KCNJ6: variants seen among roughly 807,000 people sequenced by gnomAD.
KCNJ6 encodes the protein G protein-activated inward rectifier potassium channel 2.
In KCNJ6, 9 loss-of-function variants were observed where a neutral mutation model predicts 34.2. That is an observed-to-expected ratio of 0.26 (90% confidence interval 0.16 to 0.46). The LOEUF (loss-of-function observed/expected upper bound fraction) is 0.46, where lower values mean the gene tolerates loss of function less well. Ranked by LOEUF, KCNJ6 falls within the 20% of genes least tolerant of loss-of-function variation. KCNJ6 has a pLI of 1.00. For missense variants in KCNJ6, 236 were observed against 531.3 expected (o/e 0.44, Z 5.46); for synonymous variants, 196 against 207.1 (o/e 0.95, Z 0.46).
At chr21:37,669,576 G>A (rs2054532419) in intron 3 of KCNJ6, among the ~76,000 whole-genome samples, 1 of 90,724 alleles carries the variant, frequency 1.1e-5, no homozygotes, top group African/African-American at 5.9e-5. Flanking sequence ...GTCTGTGTGT[G>A]TTGTGTGTGT....
intron 2 of KCNJ6, among the ~76,000 whole-genome samples, chr21:37,742,738 A>T (rs896168395): frequency 6.6e-6 from 1 of 152,130 alleles, no homozygotes; most frequent in Admixed American, 6.5e-5. Flanking sequence ...TTTCTCACAG[A>T]GCTTCAGATT....
intron 2 of KCNJ6, among the ~76,000 whole-genome samples, chr21:37,800,660 C>T (rs184878096): frequency 2.2e-4 from 33 of 152,272 alleles, no homozygotes; most frequent in Admixed American, 4.6e-4. Context: ...CCTGAAGGGC[C>T]GCTGATAACC....
At chr21:37,635,825 A>G (rs932199439) in intron 3 of KCNJ6, among the ~76,000 whole-genome samples, 1 of 152,242 alleles carries the variant, frequency 6.6e-6, no homozygotes, top group Non-Finnish European at 1.5e-5. Flanking sequence ...CTAAATTACA[A>G]GTGTTTTATT....
At chr21:37,691,829 G>T (rs80070205) in intron 3 of KCNJ6, among the ~76,000 whole-genome samples, 1,616 of 152,228 alleles carry the variant, frequency 0.011, 27 homozygotes, top group African/African-American at 0.037. Context: ...GGCAGGCCCC[G>T]CTAAGTTAAA....
chr21:37,811,121 C>A (rs536926852), intron 2 of KCNJ6, among the ~76,000 whole-genome samples: 1 of 152,188 alleles, frequency 6.6e-6, no homozygotes, highest in South Asian at 2.1e-4. Context: ...TTCTTGAACT[C>A]CAGGGTTCAG....
intron 3 of KCNJ6, among the ~76,000 whole-genome samples, chr21:37,699,215 G>A (rs186002906): frequency 6.6e-6 from 1 of 152,268 alleles, no homozygotes; most frequent in East Asian, 1.9e-4. Context: ...GTAAGGGCAG[G>A]ACTTTGTCCT....
At chr21:37,902,703 C>T (rs545312806) in intron 1 of KCNJ6, among the ~76,000 whole-genome samples, 55 of 152,144 alleles carry the variant, frequency 3.6e-4, no homozygotes, top group Non-Finnish European at 7.8e-4. Context: ...AAGGCACCGG[C>T]CTACAGGGTG....
intron 3 of KCNJ6, among the ~76,000 whole-genome samples, chr21:37,691,154 T>C (rs1231966887): frequency 1.3e-5 from 2 of 152,174 alleles, no homozygotes; most frequent in Non-Finnish European, 2.9e-5. Context: ...AGACAGATAA[T>C]TGAATTGTGT....
Position 37,685,821 on chromosome 21 carries a change from CAAAT to C in KCNJ6, c.946+28386_946+28389del, listed in dbSNP as rs1414407206. Among the ~76,000 whole-genome samples the C allele has an allele frequency of 2.7e-5, 4 of 150,510 alleles. No homozygotes were observed. The East Asian group carries it at 8.0e-4, about 30-fold the overall frequency. ...GTTATAGAAATGATCGTATGTCCAT[CAAAT>C]AAAGTATTATTTTGCAATTTAAAAA... On this transcript the variant is annotated intron_variant, in intron 3 of 3. Coordinates refer to ENST00000609713, the MANE Select transcript of KCNJ6 (RefSeq NM_002240.5).
intron 1 of KCNJ6, among the ~76,000 whole-genome samples, chr21:37,886,163 T>G (rs965673937): frequency 6.6e-6 from 1 of 152,088 alleles, no homozygotes. Flanking sequence ...TAACCACAGC[T>G]CTCCAAAAAA....
chr21:37,725,637 C>G (rs993988990), intron 2 of KCNJ6, among the ~76,000 whole-genome samples: 9 of 152,262 alleles, frequency 5.9e-5, no homozygotes, highest in East Asian at 1.9e-4. Flanking sequence ...TGAAAATTCA[C>G]CTTGGACTGA....
At position 37,818,207 on chromosome 21, in the gene KCNJ6, C is replaced by CGTGTGTGTGTGTGTGT. The variant is rs1281572811; in HGVS notation, c.25+22450_25+22451insACACACACACACACAC. The stretch of plus-strand genomic sequence containing the variant: ...GCTTAAAAGTGCGTGTGTGTGTGTG[C>CGTGTGTGTGTGTGTGT]GTGCGTGTGTGTGTGTGTGTGTGTG... On this transcript the variant is annotated intron_variant, in intron 2 of 3. Transcript: ENST00000609713. Among the ~76,000 whole-genome samples the CGTGTGTGTGTGTGTGT allele has an allele frequency of 1.1e-3, 88 of 81,038 alleles. 1 individual carries two copies. The highest frequency in any genetic ancestry group is 4.1e-3 in the African/African-American group (75 of 18,328). The allele number at this position is 81,038 out of a possible 152,430, so 53.2% of individuals were successfully genotyped here. A position where few individuals can be genotyped will look rare whatever the true frequency, so the allele number is the denominator to read the frequency against.
At chr21:37,641,672 C>G (rs979230948) in intron 3 of KCNJ6, among the ~76,000 whole-genome samples, 1 of 148,002 alleles carries the variant, frequency 6.8e-6, no homozygotes, top group Non-Finnish European at 1.5e-5. Context: ...CTTGGGTGTT[C>G]AAGAAGCTGA....
rs1311293484 is a variant in KCNJ6 at position 37,675,371 on chromosome 21, C to T, written c.946+38840G>A. Among the ~76,000 whole-genome samples, 1 of 152,194 alleles carries T rather than the reference C, an allele frequency of 6.6e-6. No homozygotes were observed. The highest frequency in any genetic ancestry group is 1.5e-5 in the Non-Finnish European group (1 of 68,022). On this transcript the variant is annotated intron_variant, in intron 3 of 3. Coordinates refer to ENST00000609713, the MANE Select transcript of KCNJ6 (RefSeq NM_002240.5). This position sits in a 1 kb window ranked among gnomAD's most constrained non-coding sequence, Gnocchi z 4.2. ...CTGCATTGGCTTTAAGAAACTGCGC[C>T]GGGCTGGGCAGCCGACGCACCGCTA...
chr21:37,781,345 GTGACAGAGAAGTGTT>G (rs1426742731), intron 2 of KCNJ6, among the ~76,000 whole-genome samples: 2 of 152,354 alleles, frequency 1.3e-5, no homozygotes, highest in Non-Finnish European at 2.9e-5. Flanking sequence ...TAAGGGCGCA[GTGACAGAGAAGTGTT>G]CTCAGAGCCT....
At chr21:37,862,559 A>G (rs2055599954) in intron 1 of KCNJ6, among the ~76,000 whole-genome samples, 1 of 152,240 alleles carries the variant, frequency 6.6e-6, no homozygotes, top group South Asian at 2.1e-4. Flanking sequence ...GCATCTGTCA[A>G]CTTGGGTGAT....
At chr21:37,748,171 T>G (rs1484808776) in intron 2 of KCNJ6, among the ~76,000 whole-genome samples, 1 of 152,180 alleles carries the variant, frequency 6.6e-6, no homozygotes, top group Non-Finnish European at 1.5e-5. Context: ...TCAATAATGG[T>G]GGATACGTGA....
chr21:37,721,379 A>G (rs2054825407), intron 2 of KCNJ6, among the ~76,000 whole-genome samples: 1 of 152,220 alleles, frequency 6.6e-6, no homozygotes, highest in Admixed American at 6.5e-5. Flanking sequence ...TCCCTCAAAA[A>G]GTTAAACATA....
chr21:37,758,048 G>A (rs2055040133), intron 2 of KCNJ6, among the ~76,000 whole-genome samples: 1 of 152,204 alleles, frequency 6.6e-6, no homozygotes, highest in East Asian at 1.9e-4. Context: ...TGGGGATGGT[G>A]AGGGAGGAGA....
Sources: allele counts gnomAD v4.1 joint callset (sites outside exome capture counted in the v4.1 genomes callset), GRCh38; gene constraint gnomAD v4.1.1; non-coding constraint Gnocchi (gnomAD v3.1); transcripts MANE v1.5; gene names NCBI Gene and HGNC (gene_info 2026-07-23, HGNC 2026-07-21).